The following FABP3 variants were observed in gnomAD, a reference collection of about 807,000 sequenced individuals.
The protein encoded by FABP3 is fatty acid-binding protein, heart.
A neutral mutation model predicts 13.4 loss-of-function variants in FABP3; 8 were observed. The ratio of observed to expected loss-of-function variants is 0.60; its 90% confidence interval spans 0.35 to 1.07. FABP3 has a LOEUF of 1.07. Among genes scored for constraint, FABP3 ranks in the 50% least tolerant of loss-of-function variants. The probability of loss-of-function intolerance (pLI) is 0.02; values close to 1 mark genes in which losing one functional copy is unlikely to be tolerated. For synonymous variants in FABP3, 64 were observed against 60.0 expected (o/e 1.07, Z -0.31); for missense variants, 135 against 164.7 (o/e 0.82, Z 0.99).
downstream of FABP3, among the ~76,000 whole-genome samples, chr1:31,362,797 C>T (rs1270235122): frequency 3.3e-5 from 5 of 152,224 alleles, no homozygotes; most frequent in Admixed American, 6.5e-5. Flanking sequence ...TCTTTAGGGG[C>T]GCCTTTCAGC....
chr1:31,369,732 C>T, intron 1 of FABP3, 175 bp from the exon 2 acceptor site: 1 of 617,440 alleles, frequency 1.6e-6, no homozygotes, highest in Non-Finnish European at 2.8e-6. Flanking sequence ...TTGGTGAACA[C>T]AGATAACTGA....
chr1:31,369,609 G>A (rs757179229), intron 1 of FABP3, 52 bp from the exon 2 acceptor site: 1 of 1,568,768 alleles, frequency 6.4e-7, no homozygotes, highest in African/African-American at 1.4e-5. Context: ...GAGAAGCAGT[G>A]TACAAGAAAC....
downstream of FABP3, chr1:31,364,384 T>C: frequency 1.0e-6 from 1 of 1,004,462 alleles, no homozygotes; most frequent in South Asian, 2.0e-5. Context: ...CTGAATGAGT[T>C]GTTGTTTCCT....
At chr1:31,362,194 A>G (rs1290104212), downstream of FABP3, among the ~76,000 whole-genome samples, 4 of 152,238 alleles carry the variant, frequency 2.6e-5, no homozygotes, top group Non-Finnish European at 5.9e-5. Flanking sequence ...GATGCAGAAT[A>G]GTAAATGGCA....
rs896431738 is a variant in FABP3 at position 31,365,388 on chromosome 1, A to C, written c.*498T>G. On this transcript the variant is annotated 3_prime_UTR_variant, in exon 4 of 4. Transcript: ENST00000373713. ...GCCTGAAGTGACAGTTCAATAGCCAAACCTGGGGAAGCCCCATCACTGACT... is the reference window on the plus strand; with the variant it reads ...GCCTGAAGTGACAGTTCAATAGCCACACCTGGGGAAGCCCCATCACTGACT... Among the ~76,000 whole-genome samples, 1 of 152,238 alleles carries C rather than the reference A, an allele frequency of 6.6e-6. No individual in the cohort carries two copies. Among genetic ancestry groups the C allele is most frequent in the Non-Finnish European group, 1.5e-5 (1 of 68,042 alleles).
rs1401702459 is a variant in FABP3 at position 31,366,058 on chromosome 1, ATGTATG to A, written c.349-125_349-120del. On this transcript the variant is annotated intron_variant, in intron 3 of 3. Transcript: ENST00000373713. ...TACCTACTATGTGCCGGCTATATGT[ATGTATG>A]TGTGTGTGTGTGTGTGTGTGTGTGT... 4.5e-3 allele frequency: 3,166 copies of A among 703,702 alleles called. 81 individuals are homozygous for A. The African/African-American group carries it at 0.066, about 15-fold the overall frequency. The allele number at this position is 703,702 out of a possible 1,614,324, so 43.6% of individuals were successfully genotyped here.
downstream of FABP3, among the ~76,000 whole-genome samples, chr1:31,363,182 C>CTT (rs374893533): frequency 3.8e-4 from 51 of 135,636 alleles, no homozygotes; most frequent in Non-Finnish European, 4.4e-4. Flanking sequence ...ATGTCTTATA[C>CTT]TTTTTTTTTT....
At chr1:31,370,390 A>G (rs1640186854) in intron 1 of FABP3, among the ~76,000 whole-genome samples, 1 of 152,224 alleles carries the variant, frequency 6.6e-6, no homozygotes, top group South Asian at 2.1e-4. Flanking sequence ...AGGCTGAGGA[A>G]AGAAGAGAAA....
chr1:31,369,675 A>G, intron 1 of FABP3, 118 bp from the exon 2 acceptor site: 1 of 937,904 alleles, frequency 1.1e-6, no homozygotes. Flanking sequence ...TATCTTTCAA[A>G]GCCTTTGCAT....
downstream of FABP3, chr1:31,364,122 A>G (rs746233670): frequency 6.2e-7 from 1 of 1,613,846 alleles, no homozygotes; most frequent in Non-Finnish European, 8.5e-7. Flanking sequence ...GGCAAGGCAC[A>G]CATCAAAAGA....
intron 1 of FABP3, among the ~76,000 whole-genome samples, chr1:31,370,604 G>A (rs1388720522): frequency 6.6e-6 from 1 of 152,152 alleles, no homozygotes; most frequent in Non-Finnish European, 1.5e-5. Context: ...TAAAGCGGTA[G>A]CAACAATGAG....
chr1:31,372,153 C>T (rs1010490887), intron 1 of FABP3, among the ~76,000 whole-genome samples: 3 of 152,168 alleles, frequency 2.0e-5, no homozygotes, highest in East Asian at 1.9e-4. Context: ...CAGTGATCCT[C>T]CCTCCCAGGT....
At chr1:31,366,534 CT>C (rs987695169) in intron 3 of FABP3, among the ~76,000 whole-genome samples, 3 of 152,222 alleles carry the variant, frequency 2.0e-5, no homozygotes, top group African/African-American at 7.2e-5. Flanking sequence ...AAGGGGACCC[CT>C]GTCCCACATG....
chr1:31,370,302 C>T (rs1002273691), intron 1 of FABP3, among the ~76,000 whole-genome samples: 2 of 152,176 alleles, frequency 1.3e-5, no homozygotes, highest in African/African-American at 2.4e-5. Context: ...CTTAAGTGCT[C>T]AGCTATACTA....
downstream of FABP3, chr1:31,364,285 C>T: frequency 6.8e-7 from 1 of 1,470,078 alleles, no homozygotes; most frequent in Non-Finnish European, 9.0e-7. Flanking sequence ...GAGAATATAG[C>T]CTCCCACCCC....
In FABP3 at chr1:31,365,634, C is replaced by CA. The variant is rs1640090512; in HGVS notation, c.*251dup. On this transcript the variant is annotated 3_prime_UTR_variant, in exon 4 of 4. Transcript: ENST00000373713. ...ACCAAGACTCCCAGAGTTATGTTAC[C>CA]AAAGGCAAAAAGGCAACTGGGTGGC... The CA allele has an allele frequency of 4.5e-6, 2 of 442,428 alleles. No homozygotes were observed. Among genetic ancestry groups the CA allele is most frequent in the African/African-American group, 4.0e-5 (2 of 49,490 alleles). 27.4% of individuals were successfully genotyped at this position (442,428 alleles called of 1,614,324 possible). A position where few individuals can be genotyped will look rare whatever the true frequency, so the allele number is the denominator to read the frequency against.
At position 31,373,025 on chromosome 1, in the gene FABP3, G is replaced by A. The variant is rs774570744; in HGVS notation, c.-11C>T. Reference sequence around the variant, plus strand: ...GAAAGCGTCCACCATAGTGATGCTGGGCTAGGCTGAGAGAAGCTACAAGAG... The same window carrying A: ...GAAAGCGTCCACCATAGTGATGCTGAGCTAGGCTGAGAGAAGCTACAAGAG... On this transcript the variant is annotated 5_prime_UTR_variant, in exon 1 of 4. Coordinates refer to ENST00000373713, the MANE Select transcript of FABP3 (RefSeq NM_004102.5). 1 of 1,613,824 alleles carries A rather than the reference G, an allele frequency of 6.2e-7. No individual in the cohort carries two copies. The highest frequency in any genetic ancestry group is 1.3e-5 in the African/African-American group (1 of 75,054).
In FABP3 at chr1:31,373,003, A is replaced by G; in HGVS notation, c.12T>C (p.Ala4=). 2 of 1,614,058 alleles carry G rather than the reference A, an allele frequency of 1.2e-6. No homozygotes were observed. The change falls in exon 1 of 4, where the codon GCT becomes GCC. Residue 4 remains alanine (A), a synonymous_variant. Coordinates refer to ENST00000373713, the MANE Select transcript of FABP3 (RefSeq NM_004102.5). MVD[A]FLGTWKLVDS... is the part of the protein sequence containing the mutation. ...CCACTAGCTTCCAGGTGCCCAGGAA[A>G]GCGTCCACCATAGTGATGCTGGGCT...
chr1:31,370,725 C>A (rs1445031829), intron 1 of FABP3, among the ~76,000 whole-genome samples: 1 of 152,152 alleles, frequency 6.6e-6, no homozygotes, highest in Non-Finnish European at 1.5e-5. Context: ...TGTCCTGCAA[C>A]CAAGTAAAGA....
Sources: allele counts gnomAD v4.1 joint callset (sites outside exome capture counted in the v4.1 genomes callset), GRCh38; gene constraint gnomAD v4.1.1; transcripts MANE v1.5; gene names NCBI Gene and HGNC (gene_info 2026-07-23, HGNC 2026-07-21).